The following NLGN1 variants were observed in gnomAD, a reference collection of about 807,000 sequenced individuals.
NLGN1 encodes neuroligin-1.
Under a neutral mutation model 65.5 loss-of-function variants are expected in NLGN1, and 12 were observed. The observed-to-expected ratio is 0.18, with a 90% CI of 0.12 to 0.30. The LOEUF is 0.30. Ranked by LOEUF, NLGN1 falls within the 10% of genes least tolerant of loss-of-function variation. NLGN1 has a pLI of 1.00. For synonymous variants in NLGN1, 350 were observed against 359.5 expected, an observed-to-expected ratio of 0.97 and a Z score of 0.30; for missense variants, 750 against 1,007.1, an observed-to-expected ratio of 0.74 and a Z score of 3.46.
At position 174,210,592 on chromosome 3, in the gene NLGN1, A is replaced by G. The variant is rs530287505; in HGVS notation, c.647-64723A>G. On this transcript the variant is annotated intron_variant, in intron 4 of 6. Transcript: ENST00000457714. ...AAGCTTGAGGCCCAAAGAAAACAAG[A>G]TCTTCCATCTCTTTATTAATAATTG... Among the ~76,000 whole-genome samples the G allele has an allele frequency of 9.2e-5, 14 of 152,282 alleles. No individual in the cohort carries two copies. The South Asian group carries it at 2.9e-3, about 32-fold the overall frequency.
intron 4 of NLGN1, among the ~76,000 whole-genome samples, chr3:174,019,926 G>A (rs989157018): frequency 6.6e-6 from 1 of 152,070 alleles, no homozygotes; most frequent in Non-Finnish European, 1.5e-5. Flanking sequence ...TATGTCACAA[G>A]ATTGTATGAT....
intron 2 of NLGN1, among the ~76,000 whole-genome samples, chr3:173,581,963 C>T (rs1460066934): frequency 6.6e-6 from 1 of 151,952 alleles, no homozygotes; most frequent in East Asian, 1.9e-4. Flanking sequence ...TTGGCACCCT[C>T]CCCACAGTAA....
intron 4 of NLGN1, among the ~76,000 whole-genome samples, chr3:174,123,215 C>G (rs946448189): frequency 6.6e-6 from 1 of 152,112 alleles, no homozygotes; most frequent in Non-Finnish European, 1.5e-5. Flanking sequence ...CATTTGCATG[C>G]AGGTTTTGGA....
At chr3:173,754,310 G>A (rs1176422545) in intron 3 of NLGN1, among the ~76,000 whole-genome samples, 4 of 151,926 alleles carry the variant, frequency 2.6e-5, no homozygotes, top group Non-Finnish European at 5.9e-5. Context: ...CCAAAGTGCT[G>A]GGATTACAGA....
At chr3:173,452,712 A>G (rs1465557121) in intron 2 of NLGN1, among the ~76,000 whole-genome samples, 2 of 152,200 alleles carry the variant, frequency 1.3e-5, no homozygotes, top group Non-Finnish European at 2.9e-5. Context: ...AACCCATAGG[A>G]GAGAGATAGA....
intron 2 of NLGN1, among the ~76,000 whole-genome samples, chr3:173,466,887 G>A (rs1049214629): frequency 2.6e-5 from 4 of 152,082 alleles, no homozygotes; most frequent in African/African-American, 9.7e-5. Flanking sequence ...ACAGATTCAA[G>A]CACTAGCACA....
At chr3:173,422,146 T>TATACAC (rs398063034) in intron 1 of NLGN1, among the ~76,000 whole-genome samples, 2 of 130,234 alleles carry the variant, frequency 1.5e-5, no homozygotes, top group African/African-American at 5.6e-5. Context: ...ACACTATATA[T>TATACAC]ACACACACAC....
chr3:173,935,608 ACACACACACACACACTCTCT>A (rs1744899971), intron 4 of NLGN1, among the ~76,000 whole-genome samples: 2 of 109,394 alleles, frequency 1.8e-5, no homozygotes, highest in Non-Finnish European at 4.1e-5. Flanking sequence ...ACACACACAC[ACACACACACACACACTCTCT>A]CTCTCTCTCT....
At chr3:173,649,685 A>G (rs1051243617) in intron 3 of NLGN1, among the ~76,000 whole-genome samples, 1 of 152,098 alleles carries the variant, frequency 6.6e-6, no homozygotes, top group Non-Finnish European at 1.5e-5. Flanking sequence ...ATAATCACAC[A>G]CAGACCTAGA....
intron 1 of NLGN1, among the ~76,000 whole-genome samples, chr3:173,416,139 GT>G (rs1473504748): frequency 1.3e-5 from 2 of 152,170 alleles, no homozygotes; most frequent in African/African-American, 4.8e-5. Flanking sequence ...CATTATACTT[GT>G]TGACATATAG....
the NLGN1 span, among the ~76,000 whole-genome samples, chr3:174,293,835 T>C: frequency 0.21 from 31,639 of 151,512 alleles, 3,425 homozygotes; most frequent in Middle Eastern, 0.28. Flanking sequence ...GTGTTATTTG[T>C]ATAGATTTTA....
chr3:173,571,265 T>C (rs1373938863), intron 2 of NLGN1, among the ~76,000 whole-genome samples: 1 of 152,250 alleles, frequency 6.6e-6, no homozygotes, highest in Non-Finnish European at 1.5e-5. Context: ...CTTCTTGTCT[T>C]GATTTTTTTC....
At chr3:173,735,522 A>G (rs1213776910) in intron 3 of NLGN1, among the ~76,000 whole-genome samples, 1 of 152,142 alleles carries the variant, frequency 6.6e-6, no homozygotes, top group Non-Finnish European at 1.5e-5. Context: ...TTACTGGTTC[A>G]TGAAATACAT....
In NLGN1 at chr3:174,068,412, A is replaced by G. The variant is rs115929894; in HGVS notation, c.647-206903A>G. Among the ~76,000 whole-genome samples the G allele has an allele frequency of 4.5e-3, 687 of 152,056 alleles. 4 individuals carry two copies. The highest frequency in any genetic ancestry group is 0.016 in the African/African-American group (660 of 41,522). On this transcript the variant is annotated intron_variant, in intron 4 of 6. Transcript: ENST00000457714. Reference sequence around the variant, plus strand: ...CCCAGAATGCTTAGGCAGAGGGGGCAGCCAGCCATAGGCTGAAGTTGCAGC... The same window carrying G: ...CCCAGAATGCTTAGGCAGAGGGGGCGGCCAGCCATAGGCTGAAGTTGCAGC...
intron 3 of NLGN1, among the ~76,000 whole-genome samples, chr3:173,658,625 G>A (rs1161330480): frequency 6.6e-6 from 1 of 151,960 alleles, no homozygotes; most frequent in Non-Finnish European, 1.5e-5. Context: ...TTCAGTGAAG[G>A]CATCACAGCC....
chr3:173,926,671 G>T (rs924243186), intron 4 of NLGN1, among the ~76,000 whole-genome samples: 2 of 151,972 alleles, frequency 1.3e-5, no homozygotes, highest in African/African-American at 2.4e-5. Context: ...ATCTTATATC[G>T]CACCTTGTAA....
At chr3:173,488,198 T>A (rs1428274372) in intron 2 of NLGN1, among the ~76,000 whole-genome samples, 2 of 152,008 alleles carry the variant, frequency 1.3e-5, no homozygotes, top group Non-Finnish European at 1.5e-5. Flanking sequence ...AGTATAAGAA[T>A]CTTAGAATAT....
chr3:173,885,347 A>G (rs557997552), intron 4 of NLGN1, among the ~76,000 whole-genome samples: 19 of 152,248 alleles, frequency 1.2e-4, no homozygotes, highest in Non-Finnish European at 2.1e-4. Context: ...AGCACCTTAT[A>G]TAATTGAAAC....
chr3:173,713,088 G>T (rs914492616), intron 3 of NLGN1, among the ~76,000 whole-genome samples: 1 of 152,014 alleles, frequency 6.6e-6, no homozygotes, highest in African/African-American at 2.4e-5. Context: ...TTTAAACAAG[G>T]TTGCATTTTT....
Sources: gnomAD v4.1 joint callset for allele counts (sites outside exome capture counted in the v4.1 genomes callset) on GRCh38, gnomAD v4.1.1 for gene constraint, MANE v1.5 for transcripts, NCBI Gene and HGNC (gene_info 2026-07-23, HGNC 2026-07-21) for gene names.